Variants in PARD3 observed in about 807,000 individuals in gnomAD.
PARD3 encodes partitioning defective 3 homolog.
A neutral mutation model predicts 155.4 loss-of-function variants in PARD3; 75 were observed. The observed-to-expected ratio is 0.48, with a 90% CI of 0.40 to 0.58. The LOEUF is 0.58. Among genes scored for constraint, PARD3 ranks in the 20% least tolerant of loss-of-function variants. The pLI, the probability that PARD3 is intolerant of heterozygous loss-of-function variation, is 0.00. For synonymous variants in PARD3, 576 were observed against 610.5 expected, an observed-to-expected ratio of 0.94 and a Z score of 0.83; for missense variants, 1,642 against 1,721.7, an observed-to-expected ratio of 0.95 and a Z score of 0.82.
chr10:34,368,039 G>GGT (rs1840154049), intron 12 of PARD3, among the ~76,000 whole-genome samples: 1 of 151,938 alleles, frequency 6.6e-6, no homozygotes, highest in Non-Finnish European at 1.5e-5. Context: ...GATTGCTGAA[G>GGT]GTCAGCTCGA....
At chr10:34,411,400 T>A (rs1166435378) in intron 5 of PARD3, among the ~76,000 whole-genome samples, 2 of 152,134 alleles carry the variant, frequency 1.3e-5, no homozygotes, top group Non-Finnish European at 2.9e-5. Flanking sequence ...AACATTTAAA[T>A]CAGGAAATTG....
chr10:34,403,648 T>C (rs1195914397), intron 5 of PARD3, among the ~76,000 whole-genome samples: 5 of 152,194 alleles, frequency 3.3e-5, no homozygotes, highest in South Asian at 2.1e-4. Flanking sequence ...GCCAGGCTAT[T>C]TGATTGATGA....
intron 5 of PARD3, among the ~76,000 whole-genome samples, chr10:34,422,814 C>T (rs1421406412): frequency 7.9e-5 from 12 of 152,024 alleles, no homozygotes; most frequent in Non-Finnish European, 1.3e-4. Flanking sequence ...CAAAGGGAAC[C>T]CTTGCATTCT....
chr10:34,150,117 C>T (rs1948708008), intron 22 of PARD3, among the ~76,000 whole-genome samples: 1 of 152,142 alleles, frequency 6.6e-6, no homozygotes, highest in Non-Finnish European at 1.5e-5. Flanking sequence ...TCTTCTGATA[C>T]CCCTTATAGA....
intron 19 of PARD3, among the ~76,000 whole-genome samples, chr10:34,326,766 A>G (rs1835073485): frequency 6.6e-6 from 1 of 152,204 alleles, no homozygotes; most frequent in South Asian, 2.1e-4. Flanking sequence ...GAAAACCTAA[A>G]TTATGTGTAT....
intron 2 of PARD3, among the ~76,000 whole-genome samples, chr10:34,582,066 CAT>C (rs1169753299): frequency 6.6e-6 from 1 of 152,204 alleles, no homozygotes; most frequent in Non-Finnish European, 1.5e-5. Context: ...CCGGCAGAAA[CAT>C]AAAGACTTGC....
chr10:34,658,431 C>T (rs55637815), intron 2 of PARD3, among the ~76,000 whole-genome samples: 7,329 of 151,976 alleles, frequency 0.048, 253 homozygotes, highest in Non-Finnish European at 0.072. Context: ...ACCTACCACC[C>T]GCGGAACTGA....
chr10:34,140,341 T>C (rs1184055598), intron 22 of PARD3, among the ~76,000 whole-genome samples: 1 of 152,194 alleles, frequency 6.6e-6, no homozygotes, highest in African/African-American at 2.4e-5. Flanking sequence ...TCTTAAGAAA[T>C]AGTAAATTGA....
chr10:34,657,195 G>A (rs2093193834), intron 2 of PARD3, among the ~76,000 whole-genome samples: 1 of 151,524 alleles, frequency 6.6e-6, no homozygotes, highest in African/African-American at 2.4e-5. Context: ...ATAAGTTTGA[G>A]ATCAGCCTGG....
rs1208242289 is a variant in PARD3, at chr10:34,137,856, C to T, written c.3420-6273G>A. Reference sequence around the variant, plus strand: ...AAAAATCAATGCTTGTTATTAGAGGCCACTAGGTTAGGCAATTTGCTATGT... The same window carrying T: ...AAAAATCAATGCTTGTTATTAGAGGTCACTAGGTTAGGCAATTTGCTATGT... On this transcript the variant is annotated intron_variant, in intron 22 of 24. Transcript: ENST00000374788. 2.0e-5 allele frequency among the ~76,000 whole-genome samples: 3 copies of T among 152,188 alleles called. No individual in the cohort carries two copies. In the East Asian group the frequency reaches 5.8e-4, roughly 29 times the overall value.
chr10:34,493,734 AAAAAAAAAG>A (rs1345861027), intron 3 of PARD3, among the ~76,000 whole-genome samples: 5 of 151,060 alleles, frequency 3.3e-5, no homozygotes, highest in African/African-American at 1.2e-4. Flanking sequence ...CTCTGTCTCA[AAAAAAAAAG>A]AAAAAAAAGA....
intron 22 of PARD3, among the ~76,000 whole-genome samples, chr10:34,241,754 A>G (rs1349851543): frequency 6.6e-6 from 1 of 152,142 alleles, no homozygotes; most frequent in Non-Finnish European, 1.5e-5. Context: ...TTCAGGAGGG[A>G]GCGAGGTCTC....
chr10:34,534,038 G>T (rs951146234), intron 2 of PARD3, among the ~76,000 whole-genome samples: 2 of 152,120 alleles, frequency 1.3e-5, no homozygotes, highest in Admixed American at 6.5e-5. Flanking sequence ...ATAGCCAACG[G>T]GTTAACTTTT....
At chr10:34,685,610 T>G (rs1292896247) in intron 2 of PARD3, among the ~76,000 whole-genome samples, 3 of 151,840 alleles carry the variant, frequency 2.0e-5, no homozygotes, top group African/African-American at 4.8e-5. Context: ...TTTTTTTTTT[T>G]GGAGACGGAG....
chr10:34,408,283 T>A (rs1020240649), intron 5 of PARD3, among the ~76,000 whole-genome samples: 2 of 152,096 alleles, frequency 1.3e-5, no homozygotes, highest in Non-Finnish European at 2.9e-5. Flanking sequence ...TTAAAAAAAA[T>A]TATTCATAAC....
chr10:34,436,952 C>T (rs571492173), intron 5 of PARD3, among the ~76,000 whole-genome samples: 8 of 152,196 alleles, frequency 5.3e-5, no homozygotes, highest in East Asian at 1.9e-4. Context: ...TGGCTGAATA[C>T]GGGGAGGAGA....
At chr10:34,373,145 T>C (rs1174427661) in intron 11 of PARD3, among the ~76,000 whole-genome samples, 1 of 152,138 alleles carries the variant, frequency 6.6e-6, no homozygotes, top group African/African-American at 2.4e-5. Context: ...TTACGTCTAC[T>C]GGATTCAAGA....
chr10:34,289,581 C>T (rs1763018900), intron 20 of PARD3, among the ~76,000 whole-genome samples: 2 of 152,076 alleles, frequency 1.3e-5, no homozygotes. Flanking sequence ...TGCTTAGTTG[C>T]TTAGAGGTAG....
intron 2 of PARD3, among the ~76,000 whole-genome samples, chr10:34,688,451 G>A (rs566110323): frequency 7.6e-4 from 116 of 152,312 alleles, no homozygotes; most frequent in African/African-American, 2.6e-3. Context: ...AAATGGTGGT[G>A]AAGATAACAT....
Sources: gnomAD v4.1 joint callset for allele counts (sites outside exome capture counted in the v4.1 genomes callset) on GRCh38, gnomAD v4.1.1 for gene constraint, MANE v1.5 for transcripts, NCBI Gene and HGNC (gene_info 2026-07-23, HGNC 2026-07-21) for gene names.